The following ATP11C variants were observed in gnomAD, a reference collection of about 807,000 sequenced individuals.
The protein encoded by ATP11C is phospholipid-transporting ATPase IG.
A neutral mutation model predicts 97.4 loss-of-function variants in ATP11C; 36 were observed. The observed-to-expected ratio is 0.37, with a 90% CI of 0.28 to 0.49. ATP11C has a LOEUF of 0.49. Among genes scored for constraint, ATP11C ranks in the 20% least tolerant of loss-of-function variants. The pLI, the probability that ATP11C is intolerant of heterozygous loss-of-function variation, is 0.98. For missense variants in ATP11C, 730 were observed against 824.6 expected, an observed-to-expected ratio of 0.89 and a Z score of 1.40; for synonymous variants, 275 against 290.9, an observed-to-expected ratio of 0.95 and a Z score of 0.56.
intron 1 of ATP11C, among the ~76,000 whole-genome samples, chrX:139,899,635 C>G (rs2485728): frequency 0.18 from 20,158 of 110,670 alleles, 3,094 homozygotes; most frequent in African/African-American, 0.5. Flanking sequence ...CCCATTACTA[C>G]TGCAAGATGT....
intron 12 of ATP11C, among the ~76,000 whole-genome samples, chrX:139,791,165 T>C (rs2082683039): frequency 9.0e-6 from 1 of 111,407 alleles, no homozygotes; most frequent in South Asian, 3.7e-4. Flanking sequence ...CAATCTTTTT[T>C]TTTTTCTGTT....
At chrX:139,841,447 GAGA>G (rs1282277994) in intron 1 of ATP11C, among the ~76,000 whole-genome samples, 1 of 112,838 alleles carries the variant, frequency 8.9e-6, no homozygotes, top group East Asian at 2.8e-4. Context: ...AGGTGGAGTA[GAGA>G]AGGAGAACTG....
At chrX:139,782,285 C>T (rs1306753482) in intron 18 of ATP11C, among the ~76,000 whole-genome samples, 1 of 107,291 alleles carries the variant, frequency 9.3e-6, no homozygotes, top group Non-Finnish European at 1.9e-5. Flanking sequence ...CAAGACCGCG[C>T]CACTGCACTC....
At position 139,774,953 on chromosome X, in the gene ATP11C, C is replaced by T; in HGVS notation, c.1953G>A (p.Lys651=). ...NLIGATAVED[K]LQDQAAETIE... Reference sequence around the variant, plus strand: ...TGGTCTCTGCAGCTTGATCTTGTAGCCTGGGAACACAAAAGAAACCTTGTG... The same window carrying T: ...TGGTCTCTGCAGCTTGATCTTGTAGTCTGGGAACACAAAAGAAACCTTGTG... The change falls in exon 19 of 30, where the codon AAG becomes AAA. Residue 651 remains lysine, a splice_region_variant and synonymous_variant. Coordinates refer to ENST00000682941, the MANE Select transcript of ATP11C (RefSeq NM_001353812.2). 2 of 1,193,711 alleles carry T rather than the reference C, an allele frequency of 1.7e-6. No homozygotes were observed. The highest frequency in any genetic ancestry group is 2.3e-6 in the Non-Finnish European group (2 of 886,646).
intron 1 of ATP11C, among the ~76,000 whole-genome samples, chrX:139,883,584 T>C (rs1449714613): frequency 9.0e-6 from 1 of 111,168 alleles, no homozygotes; most frequent in African/African-American, 3.3e-5. Flanking sequence ...AAAATCAGAA[T>C]TGGCTTCTGA....
At chrX:139,737,366 C>T (rs995850135) in intron 28 of ATP11C, among the ~76,000 whole-genome samples, 2 of 111,100 alleles carry the variant, frequency 1.8e-5, no homozygotes, top group Non-Finnish European at 3.8e-5. Context: ...TGAATTTTTA[C>T]GAGTGTGTTC....
chrX:139,789,129 GGAAGCGGAGGTTGCA>G (rs1171907958), intron 13 of ATP11C, among the ~76,000 whole-genome samples, 183 bp downstream of exon 13: 1 of 109,623 alleles, frequency 9.1e-6, no homozygotes, highest in East Asian at 2.8e-4. Context: ...CTTGAACCTG[GGAAGCGGAGGTTGCA>G]GTGAGCTGAG....
chrX:139,820,380 G>A (rs995355470), intron 2 of ATP11C, among the ~76,000 whole-genome samples: 22 of 110,389 alleles, frequency 2.0e-4, no homozygotes, highest in African/African-American at 4.0e-4. Context: ...CAGCCTGGGC[G>A]ACAAAGTGAG....
chrX:139,882,815 G>C (rs1253864339), intron 1 of ATP11C, among the ~76,000 whole-genome samples: 1 of 111,372 alleles, frequency 9.0e-6, no homozygotes, highest in Admixed American at 9.6e-5. Context: ...ATTCTATACA[G>C]AGAGCTCAGC....
intron 1 of ATP11C, among the ~76,000 whole-genome samples, chrX:139,919,167 C>T (rs1433676897): frequency 2.7e-5 from 3 of 109,530 alleles, no homozygotes; most frequent in Non-Finnish European, 3.8e-5. Flanking sequence ...AGCTTGAACC[C>T]GGGAGGCAGA....
intron 1 of ATP11C, among the ~76,000 whole-genome samples, chrX:139,861,769 T>TACACACACAC (rs5904005): frequency 8.9e-5 from 9 of 101,341 alleles, no homozygotes; most frequent in African/African-American, 3.2e-4. Flanking sequence ...AATCCTGTTA[T>TACACACACAC]ACACACACAC....
intron 1 of ATP11C, among the ~76,000 whole-genome samples, chrX:139,903,148 T>C (rs1410305527): frequency 8.9e-6 from 1 of 111,945 alleles, no homozygotes; most frequent in African/African-American, 3.3e-5. Context: ...TTAATGATTG[T>C]GCATAGTATA....
intron 1 of ATP11C, among the ~76,000 whole-genome samples, chrX:139,923,388 G>T (rs2085297643): frequency 9.0e-6 from 1 of 111,470 alleles, no homozygotes; most frequent in Non-Finnish European, 1.9e-5. Context: ...CAAAAGGATG[G>T]CTCTGGTGAC....
At chrX:139,877,130 T>G (rs1036304842) in intron 1 of ATP11C, among the ~76,000 whole-genome samples, 1 of 112,020 alleles carries the variant, frequency 8.9e-6, no homozygotes, top group African/African-American at 3.2e-5. Flanking sequence ...CTGCTGCTAT[T>G]TCAAAGGCAA....
intron 1 of ATP11C, among the ~76,000 whole-genome samples, chrX:139,859,030 T>G (rs191117521): frequency 1.0e-3 from 115 of 112,194 alleles, no homozygotes; most frequent in African/African-American, 3.6e-3. Context: ...GATAATTACA[T>G]TTTTTTTAAA....
intron 23 of ATP11C, among the ~76,000 whole-genome samples, chrX:139,756,999 A>C (rs1311224084): frequency 9.1e-6 from 1 of 109,326 alleles, no homozygotes; most frequent in Non-Finnish European, 1.9e-5. Flanking sequence ...AAAACTGCCA[A>C]AGAATTAGGA....
rs2083100444 is a variant in ATP11C at position 139,808,722 on chromosome X, G to A, written c.427-4123C>T. ...AAAATACTACAGAAAGCTCTTCATG[G>A]ATAAAAAATAAGATACTATATGAAA... On this transcript the variant is annotated intron_variant, in intron 5 of 29. Transcript: ENST00000682941. Among the ~76,000 whole-genome samples, 3 of 112,105 alleles carry A rather than the reference G, an allele frequency of 2.7e-5. No individual in the cohort carries two copies. The South Asian group carries it at 1.1e-3, about 41-fold the overall frequency.
intron 23 of ATP11C, among the ~76,000 whole-genome samples, chrX:139,754,658 G>A (rs2081893122): frequency 8.9e-6 from 1 of 112,102 alleles, no homozygotes; most frequent in African/African-American, 3.2e-5. Context: ...ACCATGATCA[G>A]GCAGGCTTTA....
chrX:139,782,275 C>T (rs969088130), intron 18 of ATP11C, among the ~76,000 whole-genome samples: 18 of 106,500 alleles, frequency 1.7e-4, no homozygotes, highest in Admixed American at 3.0e-4. Context: ...GGCAGTGAGC[C>T]AAGACCGCGC....
Sources: allele counts gnomAD v4.1 joint callset (sites outside exome capture counted in the v4.1 genomes callset), GRCh38; gene constraint gnomAD v4.1.1; transcripts MANE v1.5; gene names NCBI Gene and HGNC (gene_info 2026-07-23, HGNC 2026-07-21).